RBL1: variants seen among roughly 807,000 people sequenced by gnomAD.
RBL1 encodes the protein RB transcriptional corepressor like 1.
RBL1 carries 82 observed loss-of-function variants against 123.0 expected under a neutral mutation model. The ratio of observed to expected loss-of-function variants is 0.67; its 90% confidence interval spans 0.56 to 0.80. The LOEUF is 0.80. Among genes scored for constraint, RBL1 ranks in the 30% least tolerant of loss-of-function variants. RBL1 has a pLI of 0.00. For missense variants in RBL1, 1,171 were observed against 1,299.6 expected, an observed-to-expected ratio of 0.90 and a Z score of 1.52; for synonymous variants, 405 against 441.3, an observed-to-expected ratio of 0.92 and a Z score of 1.03.
intron 2 of RBL1, among the ~76,000 whole-genome samples, chr20:37,081,417 G>A (rs2065446455): frequency 6.6e-6 from 1 of 152,130 alleles, no homozygotes; most frequent in African/African-American, 2.4e-5. Flanking sequence ...AAGGCAGGAG[G>A]ATCTCCTCAA....
At chr20:37,053,857 T>C in intron 11 of RBL1, among the ~76,000 whole-genome samples, 1 of 152,078 alleles carries the variant, frequency 6.6e-6, no homozygotes, top group East Asian at 1.9e-4. Context: ...ACAATATAAC[T>C]AAAACAAATT....
intron 11 of RBL1, among the ~76,000 whole-genome samples, chr20:37,051,285 A>C (rs2064907967): frequency 1.3e-5 from 2 of 151,916 alleles, no homozygotes; most frequent in South Asian, 4.2e-4. Flanking sequence ...GGGTTAACAC[A>C]ATCCTGCCTC....
Position 37,078,295 on chromosome 20 carries a change from C to T in RBL1, c.291-10109G>A, listed in dbSNP as rs149529260. Among the ~76,000 whole-genome samples, 108 of 152,260 alleles carry T rather than the reference C, an allele frequency of 7.1e-4. No individual in the cohort carries two copies. The East Asian group carries it at 0.013, about 18-fold the overall frequency. ...ATTCATAGGAGACACTTTGCAATTACGTGAATATTCTGTTCTTCATCAAAC... is the reference window on the plus strand; with the variant it reads ...ATTCATAGGAGACACTTTGCAATTATGTGAATATTCTGTTCTTCATCAAAC... On this transcript the variant is annotated intron_variant, in intron 2 of 21. Transcript: ENST00000373664.
chr20:37,006,207 G>GTT (rs139754029), intron 20 of RBL1, among the ~76,000 whole-genome samples: 10 of 141,028 alleles, frequency 7.1e-5, no homozygotes, highest in East Asian at 2.1e-4. Flanking sequence ...ACCTCCTTTT[G>GTT]TTTTTTTTTT....
In RBL1 at chr20:36,997,181, G is replaced by A. The variant is rs150723098; in HGVS notation, c.*1578C>T. The stretch of plus-strand genomic sequence containing the variant: ...CACTAGAAAAAGTAAACGTTAAAGA[G>A]GTGATATTTTGGAAAGCATCCCTAG... On this transcript the variant is annotated 3_prime_UTR_variant, in exon 22 of 22. Coordinates refer to ENST00000373664, the MANE Select transcript of RBL1 (RefSeq NM_002895.5). 369 of 152,176 alleles carry A rather than the reference G, an allele frequency of 2.4e-3. 2 individuals are homozygous for A. Among genetic ancestry groups the A allele is most frequent in the African/African-American group, 8.5e-3 (352 of 41,496 alleles). 9.4% of individuals were successfully genotyped at this position (152,176 alleles called of 1,614,324 possible).
chr20:37,046,803 G>A (rs923850025), intron 12 of RBL1, among the ~76,000 whole-genome samples: 2 of 151,814 alleles, frequency 1.3e-5, no homozygotes, highest in Non-Finnish European at 1.5e-5. Flanking sequence ...AGTAGAGACG[G>A]AGTTTCACCA....
chr20:37,040,329 G>A (rs1485199719), intron 13 of RBL1, 44 bp from the exon 14 acceptor site: 9 of 1,592,086 alleles, frequency 5.7e-6, no homozygotes, highest in Admixed American at 3.7e-5. Flanking sequence ...AGATAAACTT[G>A]CTGATTAAAA....
At chr20:37,043,997 AC>A (rs1432348706) in intron 13 of RBL1, 88 bp downstream of exon 13, 1 of 1,081,422 alleles carries the variant, frequency 9.2e-7, no homozygotes, top group Non-Finnish European at 1.3e-6. Flanking sequence ...AAATGGGTGA[AC>A]TCTATGGTAT....
intron 1 of RBL1, among the ~76,000 whole-genome samples, chr20:37,094,361 C>G (rs1040152439): frequency 4.6e-5 from 7 of 152,206 alleles, no homozygotes; most frequent in Non-Finnish European, 8.8e-5. Context: ...TCATGCCACC[C>G]ACGGATGTGG....
At chr20:37,016,324 G>A (rs749072038) in intron 19 of RBL1, among the ~76,000 whole-genome samples, 5 of 151,922 alleles carry the variant, frequency 3.3e-5, no homozygotes, top group Middle Eastern at 3.4e-3. Flanking sequence ...CACCACACCC[G>A]GCTAGGGTTA....
chr20:37,000,391 C>A (rs534535805), intron 21 of RBL1, among the ~76,000 whole-genome samples: 2 of 120,194 alleles, frequency 1.7e-5, no homozygotes, highest in Admixed American at 1.8e-4. Flanking sequence ...CCCCGCCCGG[C>A]CAGCCGCCCC....
rs1427331747 is a variant in RBL1, at chr20:37,069,898, G to A, written c.291-1712C>T. On this transcript the variant is annotated intron_variant, in intron 2 of 21. Transcript: ENST00000373664. ...CCGCCCCGTCCAGGAGGTGAGGGGC[G>A]CCTCTGCCCAGCTGCCCCTACTGGG... is the stretch of plus-strand genomic sequence containing the variant. Among the ~76,000 whole-genome samples, 4 of 151,014 alleles carry A rather than the reference G, an allele frequency of 2.6e-5. 1 individual carries two copies. Among genetic ancestry groups the A allele is most frequent in the South Asian group, 4.2e-4 (2 of 4,770 alleles).
intron 1 of RBL1, among the ~76,000 whole-genome samples, chr20:37,093,871 C>T (rs568095118): frequency 1.3e-5 from 2 of 152,116 alleles, no homozygotes; most frequent in Non-Finnish European, 2.9e-5. Context: ...GGACCCCTGA[C>T]CTAAGGTGAT....
At chr20:37,067,730 A>G (rs578256117) in intron 3 of RBL1, among the ~76,000 whole-genome samples, 43 of 139,786 alleles carry the variant, frequency 3.1e-4, no homozygotes, top group South Asian at 9.5e-4. Context: ...AGATCAGGAC[A>G]CTGCACTCCA....
chr20:37,090,668 A>T (rs1220108560), intron 1 of RBL1, among the ~76,000 whole-genome samples: 1 of 152,340 alleles, frequency 6.6e-6, no homozygotes, highest in Middle Eastern at 3.4e-3. Flanking sequence ...TGAGAAATGC[A>T]ACATTAGGCA....
chr20:37,082,508 TCTCTA>T (rs1320620007), intron 2 of RBL1, among the ~76,000 whole-genome samples: 4 of 151,914 alleles, frequency 2.6e-5, no homozygotes, highest in South Asian at 2.1e-4. Context: ...ACTCTCTCTC[TCTCTA>T]GAGTTTACCC....
chr20:37,005,900 T>C (rs1568814429), intron 20 of RBL1, among the ~76,000 whole-genome samples: 1 of 138,498 alleles, frequency 7.2e-6, no homozygotes, highest in African/African-American at 2.9e-5. Flanking sequence ...CTTTCTTTTT[T>C]TTTTTTTTTT....
chr20:37,059,929 T>A (rs1015444900), intron 9 of RBL1, among the ~76,000 whole-genome samples: 2 of 152,094 alleles, frequency 1.3e-5, no homozygotes, highest in Non-Finnish European at 2.9e-5. Context: ...TCCCAGCACT[T>A]TGGGAGGCCG....
In RBL1 at chr20:37,032,682, C is replaced by G; in HGVS notation, c.2365G>C (p.Ala789Pro). 1.2e-6 allele frequency: 2 copies of G among 1,613,958 alleles called. No homozygotes were observed. The highest frequency in any genetic ancestry group is 1.7e-6 in the Non-Finnish European group (2 of 1,179,972). Residue 789 changes from alanine to proline, a missense_variant, in exon 16 of 22, where the codon GCA becomes CCA. Coordinates refer to ENST00000373664, the MANE Select transcript of RBL1 (RefSeq NM_002895.5). ...INRPKRTGSL[A>P]LFYRKVYHLA... ...ACACATACCTTTCTGTAAAATAGTG[C>G]TAAGGACCCAGTTCTCTTTGGCCTG...
Sources: allele counts gnomAD v4.1 joint callset (sites outside exome capture counted in the v4.1 genomes callset), GRCh38; gene constraint gnomAD v4.1.1; transcripts MANE v1.5; gene names NCBI Gene and HGNC (gene_info 2026-07-23, HGNC 2026-07-21).